The following DMXL2 variants were observed in gnomAD, a reference collection of about 807,000 sequenced individuals.
DMXL2 encodes dmX-like protein 2.
Under a neutral mutation model 331.1 loss-of-function variants are expected in DMXL2, and 103 were observed. The observed-to-expected ratio is 0.31, with a 90% CI of 0.27 to 0.37. The LOEUF (loss-of-function observed/expected upper bound fraction) is 0.37, where lower values mean the gene tolerates loss of function less well. DMXL2 is among the 10% of genes least tolerant of loss of function. The pLI, the probability that DMXL2 is intolerant of heterozygous loss-of-function variation, is 1.00. For synonymous variants in DMXL2, 1,281 were observed against 1,252.1 expected (o/e 1.02, Z -0.49); for missense variants, 3,171 against 3,642.9 (o/e 0.87, Z 3.33).
At chr15:51,605,183 C>T (rs1015660590) in intron 1 of DMXL2, among the ~76,000 whole-genome samples, 3 of 151,830 alleles carry the variant, frequency 2.0e-5, no homozygotes, top group Non-Finnish European at 2.9e-5. Flanking sequence ...AACAGTACAA[C>T]GGGGGAAAAA....
intron 25 of DMXL2, 96 bp from the exon 26 acceptor site, chr15:51,478,443 A>G: frequency 3.9e-6 from 4 of 1,036,390 alleles, no homozygotes; most frequent in South Asian, 1.4e-5. Flanking sequence ...ACCTAGCAAC[A>G]TCATAAATAA....
In DMXL2 at chr15:51,536,799, T is replaced by A. The variant is rs758612568; in HGVS notation, c.1681A>T (p.Asn561Tyr). Residue 561 changes from asparagine to tyrosine, a missense_variant, in exon 12 of 44, where the codon AAT (asparagine) becomes TAT (tyrosine). Physicochemically the swap from Asn to Tyr is moderately radical, Grantham distance 143. Around this residue, in one of 7 missense-constraint regions of DMXL2, gnomAD observed 1,674 missense variants for 1,780.2 expected, o/e 0.94. Coordinates refer to ENST00000560891, the MANE Select transcript of DMXL2 (RefSeq NM_001378457.1). Reference sequence around the variant, plus strand: ...TTTATACAGGCATACATCATGATATTTTTACTAAGAGAGCTTGCATCACCA... The same window carrying A: ...TTTATACAGGCATACATCATGATATATTTACTAAGAGAGCTTGCATCACCA... The part of the protein sequence containing the change: ...PSGDASSLSK[N>Y]IMMYACINAT... 6.2e-7 allele frequency: 1 copy of A among 1,613,870 alleles called. No individual in the cohort carries two copies. Among genetic ancestry groups the A allele is most frequent in the East Asian group, 2.2e-5 (1 of 44,878 alleles).
intron 33 of DMXL2, chr15:51,459,895 T>A: frequency 8.9e-7 from 1 of 1,127,580 alleles, no homozygotes; most frequent in South Asian, 2.1e-5. Context: ...TAAAAGCTAT[T>A]TCAAAATAAA....
intron 13 of DMXL2, among the ~76,000 whole-genome samples, chr15:51,523,571 A>G (rs74013279): frequency 1.8e-3 from 273 of 152,352 alleles, no homozygotes; most frequent in African/African-American, 6.4e-3. Flanking sequence ...AAAAGGTCAC[A>G]CTGGATTACA....
chr15:51,544,946 T>C (rs2048810801), intron 8 of DMXL2, among the ~76,000 whole-genome samples: 1 of 152,092 alleles, frequency 6.6e-6, no homozygotes, highest in African/African-American at 2.4e-5. Flanking sequence ...CAATTCAAAA[T>C]AATGCATATA....
chr15:51,587,805 T>C (rs2051972330), intron 1 of DMXL2, among the ~76,000 whole-genome samples: 2 of 152,214 alleles, frequency 1.3e-5, no homozygotes, highest in Non-Finnish European at 2.9e-5. Context: ...AGTGTTCCTA[T>C]TTCTCCACAT....
rs1266185084 is a variant in DMXL2 at position 51,514,672 on chromosome 15, A to G, written c.2527-113T>C. On this transcript the variant is annotated intron_variant, in intron 14 of 43. Transcript: ENST00000560891. ...AGAAGAAATATATCTAACAATTTCT[A>G]TTCTTTACCACTACTAATTAGAAAG... 6.0e-6 allele frequency: 4 copies of G among 667,910 alleles called. No homozygotes were observed. In the South Asian group the frequency reaches 6.9e-5, roughly 12 times the overall value. 41.4% of individuals were successfully genotyped at this position (667,910 alleles called of 1,614,324 possible).
intron 1 of DMXL2, among the ~76,000 whole-genome samples, chr15:51,576,879 G>A (rs1247663288): frequency 6.6e-6 from 1 of 152,028 alleles, no homozygotes; most frequent in African/African-American, 2.4e-5. Context: ...TAGAATATTG[G>A]GCAAATACCA....
At chr15:51,501,636 T>C (rs1349516481) in intron 17 of DMXL2, among the ~76,000 whole-genome samples, 1 of 152,158 alleles carries the variant, frequency 6.6e-6, no homozygotes, top group Non-Finnish European at 1.5e-5. Flanking sequence ...ATATTTTCAC[T>C]ATTGGCTGGG....
At chr15:51,516,979 A>T in intron 14 of DMXL2, 99 bp downstream of exon 14, 1 of 955,894 alleles carries the variant, frequency 1.0e-6, no homozygotes, top group East Asian at 2.4e-5. Context: ...ATTTAATAAC[A>T]AACAAGAAAA....
chr15:51,620,159 T>G (rs1423681359), intron 1 of DMXL2, among the ~76,000 whole-genome samples: 1 of 152,200 alleles, frequency 6.6e-6, no homozygotes, highest in Non-Finnish European at 1.5e-5. Context: ...TGAAAGCAGC[T>G]TGTTTTTTGT....
intron 1 of DMXL2, among the ~76,000 whole-genome samples, chr15:51,605,135 A>G (rs1048464818): frequency 2.0e-5 from 3 of 152,362 alleles, no homozygotes; most frequent in African/African-American, 7.2e-5. Context: ...CATGAAATAT[A>G]CAAAAAACAT....
At chr15:51,466,153 A>C in intron 30 of DMXL2, 31 bp downstream of exon 30, 1 of 1,528,810 alleles carries the variant, frequency 6.5e-7, no homozygotes, top group Non-Finnish European at 8.8e-7. Flanking sequence ...AAAGCCAAAA[A>C]AAAAATGAGA....
chr15:51,578,983 C>A (rs2051229949), intron 1 of DMXL2, among the ~76,000 whole-genome samples: 1 of 152,110 alleles, frequency 6.6e-6, no homozygotes, highest in Non-Finnish European at 1.5e-5. Flanking sequence ...CACACGACTG[C>A]AGTCCCAGCT....
intron 1 of DMXL2, among the ~76,000 whole-genome samples, chr15:51,595,994 C>T (rs1329731495): frequency 3.9e-5 from 6 of 152,140 alleles, no homozygotes; most frequent in Non-Finnish European, 8.8e-5. Context: ...CAATAACATT[C>T]AGGACATAGG....
Position 51,576,182 on chromosome 15 carries a change from C to CCAAAAAAAAAAAA in DMXL2, c.88-2_88-1insTTTTTTTTTTTTG. 1.4e-6 allele frequency: 1 copy of CCAAAAAAAAAAAA among 734,618 alleles called. No individual in the cohort carries two copies. The highest frequency in any genetic ancestry group is 1.7e-6 in the Non-Finnish European group (1 of 583,372). 45.5% of individuals were successfully genotyped at this position (734,618 alleles called of 1,614,324 possible). On this transcript the variant is annotated splice_acceptor_variant, in intron 1 of 43. Transcript: ENST00000560891. LOFTEE classifies it high-confidence loss of function. ...CAATATCACAGCCTGATCCATATGCCTAAAAAAAAAAAAAAAAAAAAGTTT... is the reference window on the plus strand; with the variant it reads ...CAATATCACAGCCTGATCCATATGCCCAAAAAAAAAAAATAAAAAAAAAAAAAAAAAAAAGTTT...
intron 6 of DMXL2, among the ~76,000 whole-genome samples, chr15:51,550,778 A>T (rs1295734514): frequency 6.6e-6 from 1 of 152,156 alleles, no homozygotes; most frequent in Admixed American, 6.6e-5. Context: ...TAAACTAAAG[A>T]TTTAATCAGG....
rs114381155 is a variant in DMXL2, at chr15:51,546,202, T to A, written c.747-436A>T. ...CAAATAATTATCTTCATCATAAAAC[T>A]GTAAGGAGAATATAATTTCAAACTA... On this transcript the variant is annotated intron_variant, in intron 7 of 43. Transcript: ENST00000560891. Among the ~76,000 whole-genome samples the A allele has an allele frequency of 7.5e-3, 1,147 of 152,160 alleles. 11 individuals are homozygous for A. Among genetic ancestry groups the A allele is most frequent in the African/African-American group, 0.026 (1,074 of 41,520 alleles).
At chr15:51,459,742 A>AT in intron 33 of DMXL2, 82 bp from the exon 34 acceptor site, 1 of 1,276,856 alleles carries the variant, frequency 7.8e-7, no homozygotes, top group South Asian at 1.2e-5. Context: ...TCAAGCTGAA[A>AT]TGGCCACTCC....
Sources: allele counts gnomAD v4.1 joint callset (sites outside exome capture counted in the v4.1 genomes callset), GRCh38; gene constraint gnomAD v4.1.1; regional missense constraint gnomAD v4.1.1; transcripts MANE v1.5; gene names NCBI Gene and HGNC (gene_info 2026-07-23, HGNC 2026-07-21).